CSNK1G1: variants seen among roughly 807,000 people sequenced by gnomAD.
CSNK1G1 encodes the protein casein kinase I isoform gamma-1.
CSNK1G1 carries 22 observed loss-of-function variants against 59.6 expected under a neutral mutation model. That is an observed-to-expected ratio of 0.37 (90% CI 0.26 to 0.53). The LOEUF (loss-of-function observed/expected upper bound fraction) is 0.53. Ranked by LOEUF, CSNK1G1 falls within the 20% of genes least tolerant of loss-of-function variation. The pLI is 0.89. For missense variants in CSNK1G1, 384 were observed against 519.5 expected (o/e 0.74, Z 2.54); for synonymous variants, 179 against 177.1 (o/e 1.01, Z -0.08).
At chr15:64,192,916 T>C (rs1270481355) in intron 10 of CSNK1G1, among the ~76,000 whole-genome samples, 1 of 148,400 alleles carries the variant, frequency 6.7e-6, no homozygotes, top group Non-Finnish European at 1.5e-5. Context: ...TTTAAAAAAT[T>C]ATTTTTGATT....
At chr15:64,284,980 G>C (rs1894333192) in intron 2 of CSNK1G1, among the ~76,000 whole-genome samples, 1 of 151,992 alleles carries the variant, frequency 6.6e-6, no homozygotes, top group Non-Finnish European at 1.5e-5. Flanking sequence ...ATATTTTAGA[G>C]TAGAATAAAA....
In CSNK1G1 at chr15:64,207,534, C is replaced by T; in HGVS notation, c.740G>A (p.Gly247Asp). The T allele has an allele frequency of 6.2e-7, 1 of 1,613,876 alleles. No individual in the cohort carries two copies. The highest frequency in any genetic ancestry group is 1.7e-5 in the Admixed American group (1 of 60,022). Residue 247 changes from glycine to aspartate, a missense_variant, in exon 7 of 12, where the codon GGC becomes GAC. Around this residue, in one of 3 missense-constraint regions of CSNK1G1, gnomAD observed 325 missense variants for 440.9 expected, o/e 0.74. Coordinates refer to ENST00000303052, the MANE Select transcript of CSNK1G1 (RefSeq NM_022048.5). ...LGHMFMYFLR[G>D]SLPWQGLKAD... ...CTTGAGTCCTTGCCAGGGGAGGCTG[C>T]CTCGAAGGAAATACATGAACATATG...
intron 1 of CSNK1G1, among the ~76,000 whole-genome samples, chr15:64,348,086 T>C (rs1425590070): frequency 2.0e-5 from 3 of 151,788 alleles, no homozygotes; most frequent in Non-Finnish European, 4.4e-5. Context: ...CTCTATGTTA[T>C]ATGATTCTAA....
chr15:64,229,827 A>G (rs2082518558), intron 4 of CSNK1G1, among the ~76,000 whole-genome samples: 2 of 151,542 alleles, frequency 1.3e-5, no homozygotes, highest in South Asian at 4.2e-4. Context: ...TTGGCAAATA[A>G]AAGCATCTAG....
intron 5 of CSNK1G1, among the ~76,000 whole-genome samples, chr15:64,215,724 G>A (rs2082304028): frequency 6.6e-6 from 1 of 152,148 alleles, no homozygotes; most frequent in African/African-American, 2.4e-5. Context: ...TCTTAAACTG[G>A]TATTTGTGTA....
intron 2 of CSNK1G1, among the ~76,000 whole-genome samples, chr15:64,262,114 G>T (rs1375701732): frequency 2.0e-5 from 3 of 152,192 alleles, no homozygotes; most frequent in Admixed American, 1.3e-4. Context: ...AGAAAAATAA[G>T]AGAACAGAAG....
intron 1 of CSNK1G1, among the ~76,000 whole-genome samples, chr15:64,354,916 T>C (rs923435423): frequency 2.6e-5 from 4 of 152,194 alleles, no homozygotes; most frequent in Admixed American, 1.3e-4. Flanking sequence ...ATTATCTCCT[T>C]AAAAGATTAA....
At chr15:64,178,674 G>C (rs1298156849) in intron 11 of CSNK1G1, among the ~76,000 whole-genome samples, 1 of 151,806 alleles carries the variant, frequency 6.6e-6, no homozygotes, top group Non-Finnish European at 1.5e-5. Context: ...TAGAGACGGG[G>C]TTTCACCATG....
intron 4 of CSNK1G1, among the ~76,000 whole-genome samples, chr15:64,247,762 G>C (rs1891834885): frequency 6.6e-6 from 1 of 152,098 alleles, no homozygotes; most frequent in Non-Finnish European, 1.5e-5. Flanking sequence ...ATTAAGAGTT[G>C]GGTACTGAAG....
At chr15:64,268,540 T>G (rs1026671200) in intron 2 of CSNK1G1, among the ~76,000 whole-genome samples, 1 of 152,224 alleles carries the variant, frequency 6.6e-6, no homozygotes, top group African/African-American at 2.4e-5. Context: ...CTCATGTCTG[T>G]GTGGGTTTCT....
At chr15:64,248,875 C>A (rs1891912192) in intron 4 of CSNK1G1, among the ~76,000 whole-genome samples, 1 of 151,958 alleles carries the variant, frequency 6.6e-6, no homozygotes. Context: ...AATCCCAGCA[C>A]TTTGGGAGGC....
At chr15:64,299,015 G>C (rs551566643) in intron 2 of CSNK1G1, among the ~76,000 whole-genome samples, 23 of 152,090 alleles carry the variant, frequency 1.5e-4, no homozygotes, top group Non-Finnish European at 2.8e-4. Context: ...ACTCCAGCCT[G>C]GGTGACAGAG....
chr15:64,251,222 G>A (rs1596160780), intron 4 of CSNK1G1, among the ~76,000 whole-genome samples: 1 of 152,156 alleles, frequency 6.6e-6, no homozygotes, highest in African/African-American at 2.4e-5. Context: ...AAAGAAAAGA[G>A]AATGAACTGC....
At chr15:64,293,071 C>T (rs918146398) in intron 2 of CSNK1G1, among the ~76,000 whole-genome samples, 2 of 151,944 alleles carry the variant, frequency 1.3e-5, no homozygotes, top group Admixed American at 6.6e-5. Flanking sequence ...TGATTCTTTC[C>T]AGGCCTGATT....
At chr15:64,323,600 G>C (rs945759164) in intron 1 of CSNK1G1, among the ~76,000 whole-genome samples, 3 of 151,776 alleles carry the variant, frequency 2.0e-5, no homozygotes, top group Non-Finnish European at 4.4e-5. Flanking sequence ...CCTGACCTCA[G>C]GTGATCCACC....
At chr15:64,222,328 A>G (rs1396474548) in intron 4 of CSNK1G1, among the ~76,000 whole-genome samples, 1 of 151,478 alleles carries the variant, frequency 6.6e-6, no homozygotes, top group Non-Finnish European at 1.5e-5. Context: ...TAGGTGTAGC[A>G]CACCACCATG....
rs192655655 is a variant in CSNK1G1, at chr15:64,194,853, C to T, written c.1107+8229G>A. On this transcript the variant is annotated intron_variant, in intron 10 of 11. Coordinates refer to ENST00000303052, the MANE Select transcript of CSNK1G1 (RefSeq NM_022048.5). ...GCTTTATGTCCTTTAAATGTATTCC[C>T]TTACAGTCTAGATACAAACAAATCC... 2.4e-3 allele frequency among the ~76,000 whole-genome samples: 372 copies of T among 152,254 alleles called. 1 individual carries two copies. Among genetic ancestry groups the T allele is most frequent in the African/African-American group, 8.7e-3 (361 of 41,554 alleles).
At chr15:64,264,792 C>T (rs1207092598) in intron 2 of CSNK1G1, among the ~76,000 whole-genome samples, 3 of 152,124 alleles carry the variant, frequency 2.0e-5, no homozygotes, top group Non-Finnish European at 4.4e-5. Flanking sequence ...TCTCAACAGA[C>T]ACAGAAAAGA....
At chr15:64,330,317 C>T (rs1282683762) in intron 1 of CSNK1G1, among the ~76,000 whole-genome samples, 1 of 144,382 alleles carries the variant, frequency 6.9e-6, no homozygotes, top group Non-Finnish European at 1.5e-5. Flanking sequence ...CATCAAAAAG[C>T]TTATCCACCA....
Sources: allele counts gnomAD v4.1 joint callset (sites outside exome capture counted in the v4.1 genomes callset), GRCh38; gene constraint gnomAD v4.1.1; regional missense constraint gnomAD v4.1.1; transcripts MANE v1.5; gene names NCBI Gene and HGNC (gene_info 2026-07-23, HGNC 2026-07-21).